The following TMTC2 variants were observed in gnomAD, a reference collection of about 807,000 sequenced individuals.
TMTC2 encodes the protein transmembrane O-mannosyltransferase targeting cadherins 2.
TMTC2 carries 43 observed loss-of-function variants against 82.4 expected under a neutral mutation model. The observed-to-expected ratio is 0.52, with a 90% CI of 0.41 to 0.67. The LOEUF (loss-of-function observed/expected upper bound fraction) is 0.67. Ranked by LOEUF, TMTC2 falls within the 30% of genes least tolerant of loss-of-function variation. The probability of loss-of-function intolerance (pLI) is 0.00; values close to 1 mark genes in which losing one functional copy is unlikely to be tolerated. For missense variants in TMTC2, 919 were observed against 1,012.4 expected, an observed-to-expected ratio of 0.91 and a Z score of 1.25; for synonymous variants, 408 against 381.9, an observed-to-expected ratio of 1.07 and a Z score of -0.80.
At chr12:82,916,859 G>A (rs565419532) in intron 3 of TMTC2, among the ~76,000 whole-genome samples, 2 of 152,206 alleles carry the variant, frequency 1.3e-5, no homozygotes, top group African/African-American at 4.8e-5. Flanking sequence ...TAGAATTCCT[G>A]TAATTAGAAT....
chr12:82,703,958 T>G (rs1362405187), intron 1 of TMTC2, among the ~76,000 whole-genome samples: 1 of 152,236 alleles, frequency 6.6e-6, no homozygotes, highest in Non-Finnish European at 1.5e-5. Context: ...GTGCTGAATT[T>G]TTGGCATGTG....
At chr12:83,028,068 G>C (rs534857519) in intron 8 of TMTC2, among the ~76,000 whole-genome samples, 1 of 151,924 alleles carries the variant, frequency 6.6e-6, no homozygotes, top group East Asian at 1.9e-4. Context: ...CAAATTCTTT[G>C]TATATTGCTT....
At chr12:82,850,677 G>A (rs1294842745) in intron 1 of TMTC2, among the ~76,000 whole-genome samples, 2 of 152,130 alleles carry the variant, frequency 1.3e-5, no homozygotes, top group African/African-American at 4.8e-5. Flanking sequence ...AATGCTTATT[G>A]TCTTTTTCAA....
rs776921894 is a variant in TMTC2 at position 82,965,555 on chromosome 12, C to T, written c.1685-5C>T. 6.2e-7 allele frequency: 1 copy of T among 1,613,310 alleles called. No individual in the cohort carries two copies. The highest frequency in any genetic ancestry group is 8.5e-7 in the Non-Finnish European group (1 of 1,179,480). On this transcript the variant is annotated splice_polypyrimidine_tract_variant and splice_region_variant and intron_variant, in intron 5 of 11. Transcript: ENST00000321196. Reference sequence around the variant, plus strand: ...CACACTTTTGTTTCCACTTTTCCCCCTCAGCTGCATATTTAAATACCGGTA... The same window carrying T: ...CACACTTTTGTTTCCACTTTTCCCCTTCAGCTGCATATTTAAATACCGGTA...
intron 2 of TMTC2, among the ~76,000 whole-genome samples, chr12:82,866,181 TA>T (rs1871842679): frequency 9.3e-6 from 1 of 106,960 alleles, no homozygotes; most frequent in South Asian, 3.4e-4. Context: ...CTGAAGGAGA[TA>T]GAGACACAAA....
chr12:82,855,046 GCTT>G (rs771496132), intron 1 of TMTC2, among the ~76,000 whole-genome samples: 7 of 152,162 alleles, frequency 4.6e-5, no homozygotes, highest in Admixed American at 2.0e-4. Context: ...ACTGTTCTCT[GCTT>G]CTCTATATAG....
intron 1 of TMTC2, among the ~76,000 whole-genome samples, chr12:82,757,800 T>A (rs545766804): frequency 2.0e-5 from 3 of 152,298 alleles, no homozygotes; most frequent in African/African-American, 7.2e-5. Context: ...GGATGCAGGA[T>A]TCCATGAAGT....
chr12:83,005,924 T>C (rs542443416), intron 8 of TMTC2, among the ~76,000 whole-genome samples: 32 of 152,312 alleles, frequency 2.1e-4, no homozygotes, highest in African/African-American at 6.5e-4. Flanking sequence ...CAGAGGAGCA[T>C]GGAGAACCCT....
intron 1 of TMTC2, among the ~76,000 whole-genome samples, chr12:82,828,101 C>T (rs1331629375): frequency 6.6e-6 from 1 of 151,776 alleles, no homozygotes; most frequent in African/African-American, 2.4e-5. Flanking sequence ...CGGTATTGGT[C>T]AGGCTGTTCT....
Position 83,065,980 on chromosome 12 carries a change from T to C in TMTC2, c.2331+4149T>C, listed in dbSNP as rs1233999984. On this transcript the variant is annotated intron_variant, in intron 11 of 11. Coordinates refer to ENST00000321196, the MANE Select transcript of TMTC2 (RefSeq NM_152588.3). ...TTTTGGGGAATGTAATTGTTTTTAG[T>C]ATGAATTTATTCAACTTATTTTTTA... is the stretch of plus-strand genomic sequence containing the variant. Among the ~76,000 whole-genome samples the C allele has an allele frequency of 2.6e-5, 4 of 152,024 alleles. No homozygotes were observed. In the East Asian group the frequency reaches 7.7e-4, roughly 29 times the overall value.
At chr12:82,783,330 GA>G in intron 1 of TMTC2, among the ~76,000 whole-genome samples, 3 of 146,814 alleles carry the variant, frequency 2.0e-5, no homozygotes, top group African/African-American at 2.5e-5. Context: ...GTCTGAGAGA[GA>G]GGGGTGGGGG....
intron 9 of TMTC2, among the ~76,000 whole-genome samples, chr12:83,040,197 C>G (rs1184976891): frequency 6.6e-6 from 1 of 152,154 alleles, no homozygotes; most frequent in Non-Finnish European, 1.5e-5. Flanking sequence ...AGTAAGTTGG[C>G]AGAGCAAGAA....
At chr12:83,038,450 T>C (rs963476936) in intron 9 of TMTC2, among the ~76,000 whole-genome samples, 16 of 152,174 alleles carry the variant, frequency 1.1e-4, no homozygotes, top group African/African-American at 3.9e-4. Flanking sequence ...ATAAAGTTTT[T>C]TTAATGTTTA....
At chr12:82,767,518 C>T (rs1375073934) in intron 1 of TMTC2, among the ~76,000 whole-genome samples, 2 of 151,916 alleles carry the variant, frequency 1.3e-5, no homozygotes, top group Non-Finnish European at 2.9e-5. Context: ...CCCAGGAAGT[C>T]GAGGCTGCAG....
intron 10 of TMTC2, among the ~76,000 whole-genome samples, chr12:83,056,161 A>C (rs1467773827): frequency 6.6e-6 from 1 of 151,996 alleles, no homozygotes; most frequent in East Asian, 1.9e-4. Flanking sequence ...TTTTATAATA[A>C]ATTTTGTAAA....
chr12:83,051,863 T>A (rs1882359951), intron 10 of TMTC2, among the ~76,000 whole-genome samples: 1 of 152,186 alleles, frequency 6.6e-6, no homozygotes. Context: ...CAGGTTTTTT[T>A]GTGTGTGAAT....
chr12:83,018,891 T>G (rs894056745), intron 8 of TMTC2, among the ~76,000 whole-genome samples: 2 of 152,244 alleles, frequency 1.3e-5, no homozygotes, highest in African/African-American at 2.4e-5. Context: ...GACCACCTAC[T>G]ACGCATCTGG....
At chr12:82,938,141 T>G (rs1423017798) in intron 4 of TMTC2, among the ~76,000 whole-genome samples, 1 of 152,014 alleles carries the variant, frequency 6.6e-6, no homozygotes, top group Non-Finnish European at 1.5e-5. Flanking sequence ...CTCGAACTCC[T>G]GACCTGAGGT....
At position 82,895,898 on chromosome 12, in the gene TMTC2, G is replaced by C. The variant is rs1315116525; in HGVS notation, c.735G>C (p.Trp245Cys). ...CCCTTTTGGGTGCCCGGTTATACTG[G>C]ATGGGAAACAAACCACCAAGCTTTT... ...GSSLLGARLYWMGNKPPSFSN... is the reference protein window; with the variant it reads ...GSSLLGARLYCMGNKPPSFSN... The change falls in exon 3 of 12, where the codon TGG (tryptophan) becomes TGC (cysteine). Residue 245 changes from tryptophan (W) to cysteine (C), a missense_variant. Trp to Cys is a radical substitution (Grantham distance 215, BLOSUM62 -2). Coordinates refer to ENST00000321196, the MANE Select transcript of TMTC2 (RefSeq NM_152588.3). 6.2e-7 allele frequency: 1 copy of C among 1,613,954 alleles called. No individual in the cohort carries two copies.
Sources: allele counts gnomAD v4.1 joint callset (sites outside exome capture counted in the v4.1 genomes callset), GRCh38; gene constraint gnomAD v4.1.1; transcripts MANE v1.5; gene names NCBI Gene and HGNC (gene_info 2026-07-23, HGNC 2026-07-21).